The following ANK3 variants were observed in gnomAD, a reference collection of about 807,000 sequenced individuals.
ANK3 encodes ankyrin-3.
Under a neutral mutation model 370.9 loss-of-function variants are expected in ANK3, and 57 were observed. That is an observed-to-expected ratio of 0.15 (90% CI 0.12 to 0.19). The LOEUF (loss-of-function observed/expected upper bound fraction) is 0.19. Among genes scored for constraint, ANK3 ranks in the 10% least tolerant of loss-of-function variants. The pLI, the probability that ANK3 is intolerant of heterozygous loss-of-function variation, is 1.00. For synonymous variants in ANK3, 1,929 were observed against 1,946.3 expected (o/e 0.99, Z 0.23); for missense variants, 4,439 against 5,302.1 (o/e 0.84, Z 5.06).
At chr10:60,410,768 G>A (rs1006948415) in intron 2 of ANK3, among the ~76,000 whole-genome samples, 4 of 152,024 alleles carry the variant, frequency 2.6e-5, no homozygotes, top group Non-Finnish European at 5.9e-5. Flanking sequence ...CTGGTTCAAG[G>A]AATCCTCCTG....
At position 60,186,747 on chromosome 10, in the gene ANK3, C is replaced by T. The variant is rs149876045; in HGVS notation, c.2053G>A (p.Gly685Ser). ...GHVDMVSLLL[G>S]RNANVNLSNK... is the part of the protein sequence containing the mutation. ...CTCAGGTTCACATTCGCATTTCTACCGAGGAGCAGCGACACCATGTCCACG... is the reference window on the plus strand; with the variant it reads ...CTCAGGTTCACATTCGCATTTCTACTGAGGAGCAGCGACACCATGTCCACG... The change falls in exon 17 of 44, where the codon GGT (glycine) becomes AGT (serine). Residue 685 changes from glycine to serine, a missense_variant. Gly to Ser is a moderately conservative substitution (Grantham distance 56). Around this residue, in one of 13 missense-constraint regions of ANK3, gnomAD observed 192 missense variants for 192.1 expected, o/e 1.00. Coordinates refer to ENST00000280772, the MANE Select transcript of ANK3 (RefSeq NM_020987.5). The T allele has an allele frequency of 5.0e-6, 8 of 1,613,886 alleles. No individual in the cohort carries two copies. The highest frequency in any genetic ancestry group is 4.0e-5 in the African/African-American group (3 of 74,880).
At chr10:60,537,475 G>A (rs1486338837) in intron 2 of ANK3, among the ~76,000 whole-genome samples, 1 of 151,852 alleles carries the variant, frequency 6.6e-6, no homozygotes, top group African/African-American at 2.4e-5. Flanking sequence ...ACAGAAAACA[G>A]AGGGATTAAG....
chr10:60,281,218 A>G (rs571478043), intron 1 of ANK3, among the ~76,000 whole-genome samples: 14 of 152,258 alleles, frequency 9.2e-5, no homozygotes, highest in Non-Finnish European at 1.6e-4. Context: ...GCCTCTCTCA[A>G]TCACTACTGT....
intron 28 of ANK3, among the ~76,000 whole-genome samples, chr10:60,093,593 G>T (rs1273013279): frequency 1.3e-5 from 2 of 152,158 alleles, no homozygotes; most frequent in East Asian, 3.8e-4. Flanking sequence ...CATTTGTGAG[G>T]ATTAAAAGTA....
At chr10:60,610,050 G>A (rs1163798098) in intron 2 of ANK3, among the ~76,000 whole-genome samples, 1 of 151,550 alleles carries the variant, frequency 6.6e-6, no homozygotes, top group Non-Finnish European at 1.5e-5. Context: ...AATGATAAAG[G>A]AATAATAGTA....
At position 60,263,881 on chromosome 10, in the gene ANK3, G is replaced by A. The variant is rs752286456; in HGVS notation, c.653C>T (p.Ala218Val). 3 of 1,614,140 alleles carry A rather than the reference G, an allele frequency of 1.9e-6. No homozygotes were observed. The South Asian group carries it at 3.3e-5, about 18-fold the overall frequency. ...IAARKDDTKA[A>V]ALLLQNDNNA... is the part of the protein sequence containing the mutation. ...GTTGTCATTCTGCAGCAGCAGGGCG[G>A]CGGCTTTCGTGTCGTCTTTTCGGGC... Residue 218 changes from alanine (A) to valine (V), a missense_variant, in exon 6 of 44, where the codon GCC becomes GTC. Physicochemically the swap from Ala to Val is moderately conservative, Grantham distance 64. Coordinates refer to ENST00000280772, the MANE Select transcript of ANK3 (RefSeq NM_020987.5).
chr10:60,474,381 TC>T lies in ANK3; in HGVS notation c.96+140804del, dbSNP rs150186550. 6.5e-3 allele frequency among the ~76,000 whole-genome samples: 989 copies of T among 152,230 alleles called. 11 individuals carry two copies. Among genetic ancestry groups the T allele is most frequent in the African/African-American group, 0.021 (867 of 41,528 alleles). ...TAATGCCAGAGGGCAGGACCAACAT[TC>T]TTTAGATCACTGAAGTCACTCTGAA... On this transcript the variant is annotated intron_variant, in intron 2 of 43. Coordinates refer to the ANK3 transcript ENST00000373827.
intron 8 of ANK3, among the ~76,000 whole-genome samples, chr10:60,217,231 T>C (rs190795696): frequency 6.6e-6 from 1 of 152,250 alleles, no homozygotes; most frequent in Non-Finnish European, 1.5e-5. Context: ...GGTTCATTGA[T>C]TTTTTGGGGG....
At chr10:60,179,734 A>G (rs551434462) in intron 18 of ANK3, among the ~76,000 whole-genome samples, 23 of 151,404 alleles carry the variant, frequency 1.5e-4, no homozygotes, top group Non-Finnish European at 3.2e-4. Flanking sequence ...GGGCTGGGTT[A>G]GAAGGAAACT....
intron 4 of ANK3, among the ~76,000 whole-genome samples, chr10:60,271,455 C>T (rs1481100962): frequency 2.0e-5 from 3 of 152,146 alleles, no homozygotes; most frequent in Non-Finnish European, 2.9e-5. Flanking sequence ...CATCTGCCTG[C>T]CTTGGCCTCT....
At position 60,505,372 on chromosome 10, in the gene ANK3, T is replaced by A. The variant is rs183836071; in HGVS notation, c.96+109814A>T. Among the ~76,000 whole-genome samples the A allele has an allele frequency of 3.1e-3, 465 of 152,168 alleles. 1 individual carries two copies. Among genetic ancestry groups the A allele is most frequent in the African/African-American group, 0.01 (429 of 41,552 alleles). On this transcript the variant is annotated intron_variant, in intron 2 of 43. Transcript: ENST00000373827. ...ACATTTTACTTGCAGACTAAAAAAA[T>A]TCACTCATCTCATTTGCCTAATATT...
chr10:60,524,063 C>T (rs543572843), intron 2 of ANK3, among the ~76,000 whole-genome samples: 7 of 152,124 alleles, frequency 4.6e-5, no homozygotes, highest in African/African-American at 1.2e-4. Context: ...TCCTTCTGGC[C>T]TCTCCCACTT....
intron 9 of ANK3, among the ~76,000 whole-genome samples, chr10:60,209,420 C>G (rs542853084): frequency 5.9e-5 from 9 of 152,240 alleles, no homozygotes; most frequent in Admixed American, 5.9e-4. Context: ...TCCTTGTTAA[C>G]CATTCTAACG....
intron 42 of ANK3, among the ~76,000 whole-genome samples, chr10:60,054,350 G>A (rs16914643): frequency 0.055 from 8,310 of 152,166 alleles, 286 homozygotes; most frequent in Middle Eastern, 0.13. Flanking sequence ...TTGTCAGGAC[G>A]GAGTTAAAGA....
At chr10:60,092,880 C>T (rs567852102) in intron 28 of ANK3, among the ~76,000 whole-genome samples, 4 of 152,270 alleles carry the variant, frequency 2.6e-5, no homozygotes, top group South Asian at 2.1e-4. Context: ...TGATTACAGG[C>T]GTGTGCCACC....
At chr10:60,572,701 G>A in intron 2 of ANK3, 1 of 1,424,972 alleles carries the variant, frequency 7.0e-7, no homozygotes, top group Non-Finnish European at 9.1e-7. Flanking sequence ...GACGCGGGCT[G>A]CTAATGTAGC....
chr10:60,245,056 C>G (rs1205919398), intron 7 of ANK3, among the ~76,000 whole-genome samples: 2 of 152,142 alleles, frequency 1.3e-5, no homozygotes, highest in Non-Finnish European at 2.9e-5. Context: ...GTAGTCCCAG[C>G]TACTTGGGAG....
At chr10:60,560,941 A>G (rs2077321330) in intron 2 of ANK3, among the ~76,000 whole-genome samples, 1 of 150,548 alleles carries the variant, frequency 6.6e-6, no homozygotes, top group Non-Finnish European at 1.5e-5. Flanking sequence ...AACTGGCTTG[A>G]AAAAACAGAA....
chr10:60,228,493 C>A (rs1234686192), intron 8 of ANK3, among the ~76,000 whole-genome samples: 1 of 142,946 alleles, frequency 7.0e-6, no homozygotes, highest in Non-Finnish European at 1.5e-5. Flanking sequence ...GATTGCGCCA[C>A]TACACTCCAG....
Sources: allele counts gnomAD v4.1 joint callset (sites outside exome capture counted in the v4.1 genomes callset), GRCh38; gene constraint gnomAD v4.1.1; regional missense constraint gnomAD v4.1.1; transcripts MANE v1.5; gene names NCBI Gene and HGNC (gene_info 2026-07-23, HGNC 2026-07-21).